BCAR3: variants seen among roughly 807,000 people sequenced by gnomAD.
BCAR3 encodes BCAR3 adaptor protein, NSP family member.
In BCAR3, 37 loss-of-function variants were observed where a neutral mutation model predicts 80.1. The ratio of observed to expected loss-of-function variants is 0.46; its 90% CI spans 0.36 to 0.61. The LOEUF is 0.61. Ranked by LOEUF, BCAR3 falls within the 20% of genes least tolerant of loss-of-function variation. The pLI is 0.00. For missense variants in BCAR3, 978 were observed against 1,068.2 expected (o/e 0.92, Z 1.18); for synonymous variants, 389 against 418.9 (o/e 0.93, Z 0.87).
Position 93,771,912 on chromosome 1 carries a change from A to G in BCAR3, c.-62-65770T>C, listed in dbSNP as rs577120769. On this transcript the variant is annotated intron_variant, in intron 2 of 13. Coordinates refer to the BCAR3 transcript ENST00000370244. The stretch of plus-strand genomic sequence containing the variant: ...CTGCTTCTAAGATTGCACCATGTCC[A>G]TCTCCCTCCCACCAGAGATACTATT... Among the ~76,000 whole-genome samples the G allele has an allele frequency of 7.9e-5, 12 of 152,192 alleles. No homozygotes were observed. In the South Asian group the frequency reaches 2.1e-3, roughly 26 times the overall value.
intron 2 of BCAR3, among the ~76,000 whole-genome samples, chr1:93,839,689 G>A (rs1459325310): frequency 6.6e-6 from 1 of 152,144 alleles, no homozygotes; most frequent in East Asian, 1.9e-4. Context: ...GAAGTAAAAG[G>A]TCATAGTTTC....
intron 2 of BCAR3, among the ~76,000 whole-genome samples, chr1:93,773,749 C>A (rs1652440422): frequency 6.6e-6 from 1 of 152,152 alleles, no homozygotes. Flanking sequence ...TTCCCCCACC[C>A]CAGCCACCAC....
At chr1:93,577,506 C>T (rs1673504676) in intron 7 of BCAR3, among the ~76,000 whole-genome samples, 1 of 152,154 alleles carries the variant, frequency 6.6e-6, no homozygotes, top group Non-Finnish European at 1.5e-5. Context: ...CTCAGTTTCC[C>T]CTTTTCTAAC....
chr1:93,810,281 A>C (rs976360703), intron 2 of BCAR3, among the ~76,000 whole-genome samples: 1 of 152,072 alleles, frequency 6.6e-6, no homozygotes, highest in African/African-American at 2.4e-5. Flanking sequence ...ATAGTTTATA[A>C]ATATACGCAT....
chr1:93,826,018 A>G (rs972700179), intron 2 of BCAR3, among the ~76,000 whole-genome samples: 11 of 152,236 alleles, frequency 7.2e-5, no homozygotes, highest in African/African-American at 2.7e-4. Context: ...GAAGGAGTTC[A>G]GTAAATGTGA....
At chr1:93,735,928 G>GT (rs904650032) in intron 2 of BCAR3, among the ~76,000 whole-genome samples, 2 of 152,180 alleles carry the variant, frequency 1.3e-5, no homozygotes, top group Non-Finnish European at 2.9e-5. Context: ...ATTGAGGGTT[G>GT]TATCTATGAG....
chr1:93,688,046 A>G (rs542693850), intron 3 of BCAR3, among the ~76,000 whole-genome samples: 2 of 152,260 alleles, frequency 1.3e-5, no homozygotes, highest in Non-Finnish European at 2.9e-5. Context: ...AAATTCTGCA[A>G]TATTTTCAGA....
intron 3 of BCAR3, 51 bp downstream of exon 3, chr1:93,642,253 G>C: frequency 2.5e-6 from 4 of 1,578,362 alleles, no homozygotes; most frequent in Non-Finnish European, 3.5e-6. Flanking sequence ...GTTCCAAATG[G>C]GAAATCTACT....
chr1:93,568,065 A>G, intron 9 of BCAR3: 2 of 438,528 alleles, frequency 4.6e-6, no homozygotes, highest in Non-Finnish European at 8.4e-6. Flanking sequence ...GTGTGCCTGT[A>G]ATCCCAGCTA....
intron 3 of BCAR3, among the ~76,000 whole-genome samples, chr1:93,638,142 G>A (rs966970272): frequency 3.9e-5 from 6 of 152,150 alleles, no homozygotes; most frequent in Non-Finnish European, 4.4e-5. Context: ...CCAGCTACTC[G>A]GGAGGCTGAG....
intron 2 of BCAR3, among the ~76,000 whole-genome samples, chr1:93,747,404 C>G (rs1476008591): frequency 6.6e-6 from 1 of 151,514 alleles, no homozygotes; most frequent in Non-Finnish European, 1.5e-5. Context: ...GGGCTACCCT[C>G]TACTTTCCAC....
At chr1:93,691,278 T>C (rs1367428336) in intron 3 of BCAR3, among the ~76,000 whole-genome samples, 1 of 152,186 alleles carries the variant, frequency 6.6e-6, no homozygotes, top group Non-Finnish European at 1.5e-5. Context: ...ATGATAGTGG[T>C]AATGGTCCCA....
intron 9 of BCAR3, 156 bp downstream of exon 9, chr1:93,571,514 G>T: frequency 1.1e-6 from 1 of 908,268 alleles, no homozygotes; most frequent in Non-Finnish European, 1.6e-6. Flanking sequence ...AAAAAAAGTA[G>T]ACCCCAAATA....
intron 4 of BCAR3, among the ~76,000 whole-genome samples, chr1:93,591,924 G>A (rs1298676149): frequency 2.0e-4 from 30 of 152,168 alleles, no homozygotes; most frequent in Admixed American, 2.0e-3. Context: ...GCTGGCAGCT[G>A]GCCAAGAGTT....
intron 2 of BCAR3, among the ~76,000 whole-genome samples, chr1:93,719,851 C>A (rs1403286302): frequency 1.3e-5 from 2 of 152,122 alleles, no homozygotes; most frequent in African/African-American, 4.8e-5. Flanking sequence ...TCCCTTGATG[C>A]ATGAAGATTT....
intron 4 of BCAR3, among the ~76,000 whole-genome samples, chr1:93,590,040 G>A (rs984566543): frequency 8.5e-5 from 13 of 152,178 alleles, no homozygotes; most frequent in South Asian, 2.1e-4. Context: ...TCCAGGCCTG[G>A]CCAGTGGGGA....
At chr1:93,650,493 C>T (rs544203715) in intron 2 of BCAR3, among the ~76,000 whole-genome samples, 1 of 152,218 alleles carries the variant, frequency 6.6e-6, no homozygotes, top group African/African-American at 2.4e-5. Context: ...GCCTCTATCA[C>T]TTACTACTGT....
intron 6 of BCAR3, 32 bp downstream of exon 6, chr1:93,583,986 G>T: frequency 6.3e-7 from 1 of 1,594,830 alleles, no homozygotes; most frequent in Non-Finnish European, 8.6e-7. Context: ...GGGTAACACT[G>T]ACGTTCTCCC....
chr1:93,683,002 G>A (rs753435419), upstream of BCAR3, among the ~76,000 whole-genome samples: 23 of 152,254 alleles, frequency 1.5e-4, 1 homozygote, highest in Admixed American at 1.5e-3. Flanking sequence ...CATTGGACAA[G>A]ATTAAAATTA....
Sources: gnomAD v4.1 joint callset for allele counts (sites outside exome capture counted in the v4.1 genomes callset) on GRCh38, gnomAD v4.1.1 for gene constraint, MANE v1.5 for transcripts, NCBI Gene and HGNC (gene_info 2026-07-23, HGNC 2026-07-21) for gene names.